PRKRIP1: variants seen among roughly 807,000 people sequenced by gnomAD.
PRKRIP1 encodes PRKR interacting protein 1.
A neutral mutation model predicts 29.3 loss-of-function variants in PRKRIP1; 29 were observed. The observed-to-expected ratio is 0.99, with a 90% CI of 0.74 to 1.35. The LOEUF (loss-of-function observed/expected upper bound fraction) is 1.35, where lower values mean the gene tolerates loss of function less well. PRKRIP1 is among the 40% of genes most tolerant of loss of function. PRKRIP1 has a pLI of 0.00. For missense variants in PRKRIP1, 247 were observed against 236.8 expected, an observed-to-expected ratio of 1.04 and a Z score of -0.28; for synonymous variants, 90 against 85.1, an observed-to-expected ratio of 1.06 and a Z score of -0.32.
At chr7:102,418,049 CTT>C (rs1554573339) in intron 5 of PRKRIP1, among the ~76,000 whole-genome samples, 1 of 26,242 alleles carries the variant, frequency 3.8e-5, no homozygotes, top group Admixed American at 3.6e-4. Flanking sequence ...TCTTCTTCTT[CTT>C]TTTTTTTTTT....
intron 4 of PRKRIP1, among the ~76,000 whole-genome samples, chr7:102,407,074 C>T (rs183179027): frequency 1.8e-4 from 27 of 151,948 alleles, no homozygotes; most frequent in Admixed American, 5.3e-4. Flanking sequence ...ATTAGCTGGG[C>T]GTGGTGGCGG....
chr7:102,403,356 C>T (rs183466019), intron 3 of PRKRIP1, among the ~76,000 whole-genome samples: 24 of 152,300 alleles, frequency 1.6e-4, no homozygotes, highest in Non-Finnish European at 2.1e-4. Context: ...ACAGCCCTGG[C>T]GGTGCAGACC....
At position 102,399,582 on chromosome 7, in the gene PRKRIP1, C is replaced by T. The variant is rs782218659; in HGVS notation, c.240C>T (p.His80=). The T allele has an allele frequency of 2.5e-6, 4 of 1,614,002 alleles. No individual in the cohort carries two copies. Among genetic ancestry groups the T allele is most frequent in the African/African-American group, 2.7e-5 (2 of 74,926 alleles). Residue 80 remains histidine, a synonymous_variant, in exon 3 of 6, where the codon CAC becomes CAT. Transcript: ENST00000397912. ...CTGGGGCCGGCAGTGGAGAGTTCCA[C>T]GTGTACAGACATCTGCGCCGGAGAG... ...SSAGAGSGEF[H]VYRHLRRREY...
At chr7:102,399,955 C>T (rs553152046) in intron 3 of PRKRIP1, among the ~76,000 whole-genome samples, 7 of 142,196 alleles carry the variant, frequency 4.9e-5, no homozygotes, top group South Asian at 2.3e-4. Context: ...GAGCCAAGAT[C>T]GTGCCATTGC....
rs377345783 is a variant in PRKRIP1 at position 102,397,745 on chromosome 7, A to G, written c.205+47A>G. 6.0e-4 allele frequency: 939 copies of G among 1,562,118 alleles called. 1 individual carries two copies. The highest frequency in any genetic ancestry group is 7.7e-4 in the Non-Finnish European group (877 of 1,140,978). On this transcript the variant is annotated intron_variant, in intron 2 of 5. Transcript: ENST00000397912. ...GTGTGTGTGTGTGTGTGTAAATATAATTTTTTAAGGTAGCTATAGGCTGGG... is the reference window on the plus strand; with the variant it reads ...GTGTGTGTGTGTGTGTGTAAATATAGTTTTTTAAGGTAGCTATAGGCTGGG...
intron 3 of PRKRIP1, among the ~76,000 whole-genome samples, chr7:102,401,833 AC>A (rs1554571197): frequency 2.0e-5 from 3 of 151,682 alleles, no homozygotes; most frequent in Non-Finnish European, 4.4e-5. Context: ...AACCTGGGAG[AC>A]GGAAGTTGCA....
At chr7:102,397,133 C>G (rs1038717864) in intron 1 of PRKRIP1, among the ~76,000 whole-genome samples, 1 of 151,928 alleles carries the variant, frequency 6.6e-6, no homozygotes, top group East Asian at 1.9e-4. Context: ...TGTGTTATAC[C>G]CAAGAGTACA....
intron 4 of PRKRIP1, among the ~76,000 whole-genome samples, chr7:102,406,870 C>CAAAAAAAAAAAA (rs113919351): frequency 1.0e-5 from 1 of 97,714 alleles, no homozygotes; most frequent in Non-Finnish European, 2.2e-5. Context: ...AAGTCATTAG[C>CAAAAAAAAAAAA]AAAAAAAAAA....
intron 3 of PRKRIP1, among the ~76,000 whole-genome samples, chr7:102,401,079 T>C (rs1213675704): frequency 6.6e-6 from 1 of 152,002 alleles, no homozygotes; most frequent in Non-Finnish European, 1.5e-5. Context: ...AACAAAAAAA[T>C]GATGAATTAG....
At position 102,404,489 on chromosome 7, in the gene PRKRIP1, C is replaced by CG. The variant is rs1292577097; in HGVS notation, c.307-108dup. 6.1e-6 allele frequency: 5 copies of CG among 826,068 alleles called. No homozygotes were observed. In the East Asian group the frequency reaches 7.4e-5, roughly 12 times the overall value. 51.2% of individuals were successfully genotyped at this position (826,068 alleles called of 1,614,324 possible). The stretch of plus-strand genomic sequence containing the variant: ...GCCCTGGGGACCCGGGTAGTGCCTC[C>CG]GTCACCCCCAGTGGTGTGACTTCTA... On this transcript the variant is annotated intron_variant, in intron 3 of 5. Transcript: ENST00000397912.
At chr7:102,414,480 A>G (rs1173268734) in intron 5 of PRKRIP1, among the ~76,000 whole-genome samples, 5 of 152,214 alleles carry the variant, frequency 3.3e-5, no homozygotes, top group Admixed American at 6.5e-5. Context: ...GACATGCCAT[A>G]ATACACCTAA....
intron 5 of PRKRIP1, chr7:102,423,382 G>T: frequency 2.9e-6 from 1 of 347,622 alleles, no homozygotes. Context: ...CCAGGGTGTT[G>T]GGATTACAGA....
rs782054151 is a variant in PRKRIP1, at chr7:102,397,717, T to A, written c.205+19T>A. On this transcript the variant is annotated intron_variant, in intron 2 of 5. Transcript: ENST00000397912. ...GTCATGGGTAATGGCTGTGTGTGTGTGTGTGTGTGTGTGTGTGTGTAAATA... is the reference window on the plus strand; with the variant it reads ...GTCATGGGTAATGGCTGTGTGTGTGAGTGTGTGTGTGTGTGTGTGTAAATA... 8.9e-6 allele frequency: 14 copies of A among 1,571,532 alleles called. No individual in the cohort carries two copies. The highest frequency in any genetic ancestry group is 1.0e-5 in the Non-Finnish European group (12 of 1,147,762).
intron 5 of PRKRIP1, among the ~76,000 whole-genome samples, chr7:102,409,402 C>T (rs1796314495): frequency 1.3e-5 from 2 of 152,008 alleles, no homozygotes; most frequent in Non-Finnish European, 2.9e-5. Context: ...AGTACTTGGC[C>T]CAAGTAGGAG....
At chr7:102,409,470 A>G (rs2133183102) in intron 5 of PRKRIP1, among the ~76,000 whole-genome samples, 1 of 152,058 alleles carries the variant, frequency 6.6e-6, no homozygotes, top group East Asian at 1.9e-4. Context: ...GCTTGGACCT[A>G]TTATATTTGG....
At chr7:102,420,058 G>C (rs1455990346) in intron 5 of PRKRIP1, among the ~76,000 whole-genome samples, 1 of 152,086 alleles carries the variant, frequency 6.6e-6, no homozygotes, top group African/African-American at 2.4e-5. Context: ...GCTAATTTTT[G>C]TATTTTTAGT....
chr7:102,404,682 C>G lies in PRKRIP1; in HGVS notation c.391C>G (p.Arg131Gly), dbSNP rs782326401. The change falls in exon 4 of 6, where the codon CGC becomes GGC. Residue 131 changes from arginine to glycine, a missense_variant and splice_region_variant. Transcript: ENST00000397912. Reference protein sequence around the residue: ...EEQTAKRRKKRQKLKEKKLLA... With the variant: ...EEQTAKRRKKGQKLKEKKLLA... The stretch of plus-strand genomic sequence containing the variant: ...GCAGACCGCAAAGCGCCGGAAGAAG[C>G]GGTAAGCGGCATGGCCTAACTGTGA... 11 of 1,612,454 alleles carry G rather than the reference C, an allele frequency of 6.8e-6. No homozygotes were observed. In the African/African-American group the frequency reaches 1.1e-4, roughly 16 times the overall value.
chr7:102,412,128 A>G (rs1447554091), intron 5 of PRKRIP1, among the ~76,000 whole-genome samples: 1 of 152,012 alleles, frequency 6.6e-6, no homozygotes, highest in African/African-American at 2.4e-5. Context: ...CGGCCTCCCA[A>G]AGTGCTGGGA....
intron 5 of PRKRIP1, among the ~76,000 whole-genome samples, chr7:102,416,079 TCCTC>T (rs1554573080): frequency 6.6e-6 from 1 of 152,168 alleles, no homozygotes; most frequent in East Asian, 1.9e-4. Flanking sequence ...CTCCTCACCT[TCCTC>T]CGGCCCCCGG....
Sources: allele counts gnomAD v4.1 joint callset (sites outside exome capture counted in the v4.1 genomes callset), GRCh38; gene constraint gnomAD v4.1.1; transcripts MANE v1.5; gene names NCBI Gene and HGNC (gene_info 2026-07-23, HGNC 2026-07-21).